HIVEP3: variants seen among roughly 807,000 people sequenced by gnomAD.
HIVEP3 encodes the protein HIVEP zinc finger 3, also known as transcription factor HIVEP3.
Under a neutral mutation model 152.8 loss-of-function variants are expected in HIVEP3, and 49 were observed. The ratio of observed to expected loss-of-function variants is 0.32; its 90% confidence interval spans 0.26 to 0.41. HIVEP3 has a LOEUF of 0.41. Among genes scored for constraint, HIVEP3 ranks in the 10% least tolerant of loss-of-function variants. The probability of loss-of-function intolerance (pLI) is 1.00; values close to 1 mark genes in which losing one functional copy is unlikely to be tolerated. For synonymous variants in HIVEP3, 1,269 were observed against 1,289.0 expected (o/e 0.98, Z 0.33); for missense variants, 2,790 against 3,103.3 (o/e 0.90, Z 2.40).
chr1:41,845,264 G>A (rs1004814549), intron 1 of HIVEP3, among the ~76,000 whole-genome samples: 2 of 151,892 alleles, frequency 1.3e-5, no homozygotes, highest in African/African-American at 4.8e-5. Flanking sequence ...AAAGAGTTTT[G>A]GTTCACTCCT....
rs1645738688 is a variant in HIVEP3 at position 41,662,840 on chromosome 1, C to A, written c.-720-33893G>T. Among the ~76,000 whole-genome samples, 1 of 152,164 alleles carries A rather than the reference C, an allele frequency of 6.6e-6. No homozygotes were observed. The highest frequency in any genetic ancestry group is 2.4e-5 in the African/African-American group (1 of 41,450). On this transcript the variant is annotated intron_variant, in intron 2 of 8. Coordinates refer to ENST00000372583, the MANE Select transcript of HIVEP3 (RefSeq NM_024503.5). This position sits in a 1 kb window ranked among gnomAD's most constrained non-coding sequence, Gnocchi z 7.2. Reference sequence around the variant, plus strand: ...ACGCCTTGGTCGCACCCGGGCCCAGCGGGAGTCCATCGCCGTCCCCAAAGT... The same window carrying A: ...ACGCCTTGGTCGCACCCGGGCCCAGAGGGAGTCCATCGCCGTCCCCAAAGT...
At chr1:41,824,772 TATATATATATATAG>T (rs1558302040) in intron 1 of HIVEP3, among the ~76,000 whole-genome samples, 3 of 14,448 alleles carry the variant, frequency 2.1e-4, no homozygotes, top group Admixed American at 1.1e-3. Flanking sequence ...TATATATATA[TATATATATATATAG>T]AGAGAGAGAG....
chr1:41,888,521 G>A lies in HIVEP3; in HGVS notation c.-801+29892C>T, dbSNP rs1644388410. On this transcript the variant is annotated intron_variant, in intron 1 of 8. Transcript: ENST00000372583. ...ACAGCCCAGCTGAGAAGGGGCCAAA[G>A]AGGGGGAAAAAGGAAATAGAACCTA... 2.0e-5 allele frequency among the ~76,000 whole-genome samples: 3 copies of A among 152,086 alleles called. No homozygotes were observed. The South Asian group carries it at 6.2e-4, about 32-fold the overall frequency.
At chr1:41,700,199 C>G (rs1202751759) in intron 2 of HIVEP3, among the ~76,000 whole-genome samples, 2 of 152,186 alleles carry the variant, frequency 1.3e-5, no homozygotes, top group Non-Finnish European at 2.9e-5. Flanking sequence ...GGAGCAGAAG[C>G]TTCTTGAGGA....
At chr1:41,684,090 T>C (rs971467372) in intron 2 of HIVEP3, among the ~76,000 whole-genome samples, 1 of 152,170 alleles carries the variant, frequency 6.6e-6, no homozygotes, top group African/African-American at 2.4e-5. Flanking sequence ...TTGACAAATG[T>C]GGAAACTGAG....
intron 3 of HIVEP3, among the ~76,000 whole-genome samples, chr1:41,617,849 T>C (rs986646424): frequency 6.6e-5 from 10 of 151,672 alleles, no homozygotes; most frequent in African/African-American, 2.4e-4. Context: ...AAGATGCCAA[T>C]GGCTTTGGAA....
At position 41,513,174 on chromosome 1, in the gene HIVEP3, T is replaced by A. The variant is rs1266006171; in HGVS notation, c.6047A>T (p.Asp2016Val). ...GAGAGCGCCCATGCCCCTTCCTGGG[T>A]CCACGTGCAGGCCAGGTGGGCTTGG... Reference protein sequence around the residue: ...SAPSPPGLHVDPGRGMGALPC... With the variant: ...SAPSPPGLHVVPGRGMGALPC... The change falls in exon 8 of 9, where the codon GAC (aspartate) becomes GTC (valine). Residue 2016 changes from aspartate (D) to valine (V), a missense_variant. Transcript: ENST00000372583. 1 of 1,613,856 alleles carries A rather than the reference T, an allele frequency of 6.2e-7. No homozygotes were observed.
intron 1 of HIVEP3, among the ~76,000 whole-genome samples, chr1:41,726,355 CA>C (rs1646752123): frequency 2.0e-5 from 3 of 152,120 alleles, no homozygotes; most frequent in Admixed American, 2.0e-4. Flanking sequence ...GGGAAACTAC[CA>C]AATAGAACCA....
At chr1:41,615,845 T>TA (rs1644961216) in intron 3 of HIVEP3, among the ~76,000 whole-genome samples, 1 of 137,816 alleles carries the variant, frequency 7.3e-6, no homozygotes, top group East Asian at 2.0e-4. Context: ...TTTTTTTTTT[T>TA]AGCAGGGTGG....
At chr1:41,819,552 C>G (rs1642524839) in intron 1 of HIVEP3, among the ~76,000 whole-genome samples, 1 of 152,120 alleles carries the variant, frequency 6.6e-6, no homozygotes, top group African/African-American at 2.4e-5. Context: ...TTAGCCATTT[C>G]CCACTCATTT....
At chr1:41,817,730 C>T (rs1427763302) in intron 1 of HIVEP3, among the ~76,000 whole-genome samples, 2 of 152,190 alleles carry the variant, frequency 1.3e-5, no homozygotes, top group Non-Finnish European at 2.9e-5. Flanking sequence ...AGGTCTTTTA[C>T]AAATCACAAA....
At chr1:41,674,513 T>A (rs999451256) in intron 2 of HIVEP3, among the ~76,000 whole-genome samples, 5 of 152,170 alleles carry the variant, frequency 3.3e-5, no homozygotes, top group African/African-American at 1.2e-4. Flanking sequence ...GGCAGAGGAA[T>A]GAGGACAGAG....
At chr1:41,545,148 A>T (rs1296348347) in intron 5 of HIVEP3, among the ~76,000 whole-genome samples, 5 of 106,878 alleles carry the variant, frequency 4.7e-5, no homozygotes, top group Non-Finnish European at 1.1e-4. Context: ...CATCACCACC[A>T]ACACCACCTC....
chr1:41,693,358 C>T (rs1390811199), intron 2 of HIVEP3, among the ~76,000 whole-genome samples: 4 of 152,202 alleles, frequency 2.6e-5, no homozygotes, highest in Non-Finnish European at 5.9e-5. Context: ...TATTTTCATT[C>T]TTTGAAATGG....
At chr1:41,815,177 G>C (rs142304929) in intron 1 of HIVEP3, among the ~76,000 whole-genome samples, 38 of 152,340 alleles carry the variant, frequency 2.5e-4, no homozygotes, top group Non-Finnish European at 5.0e-4. Flanking sequence ...GTGAAAGAAA[G>C]TTCTAGGCAG....
At chr1:42,024,976 ATG>A in intron 1 of HIVEP3, among the ~76,000 whole-genome samples, 1 of 152,270 alleles carries the variant, frequency 6.6e-6, no homozygotes, top group Non-Finnish European at 1.5e-5. Flanking sequence ...CCAAAGTCAT[ATG>A]TCTTTTTGTT....
intron 5 of HIVEP3, among the ~76,000 whole-genome samples, chr1:41,550,502 A>G (rs955646717): frequency 6.6e-6 from 1 of 152,212 alleles, no homozygotes; most frequent in African/African-American, 2.4e-5. Flanking sequence ...CCTATCCATG[A>G]GCATGAAATG....
intron 1 of HIVEP3, among the ~76,000 whole-genome samples, chr1:41,725,294 C>T (rs1333581632): frequency 6.6e-6 from 1 of 152,184 alleles, no homozygotes; most frequent in Non-Finnish European, 1.5e-5. Flanking sequence ...GCCGATGTCT[C>T]CTCACTCCTG....
intron 1 of HIVEP3, among the ~76,000 whole-genome samples, chr1:42,019,350 A>G (rs1015363889): frequency 1.3e-5 from 2 of 152,032 alleles, no homozygotes; most frequent in African/African-American, 4.8e-5. Context: ...TCTTCACAAT[A>G]TTGAGTCATC....
Sources: allele counts gnomAD v4.1 joint callset (sites outside exome capture counted in the v4.1 genomes callset), GRCh38; gene constraint gnomAD v4.1.1; non-coding constraint Gnocchi (gnomAD v3.1); transcripts MANE v1.5; gene names NCBI Gene and HGNC (gene_info 2026-07-23, HGNC 2026-07-21).